ITGAE: variants seen among roughly 807,000 people sequenced by gnomAD.
ITGAE encodes the protein integrin subunit alpha E.
A neutral mutation model predicts 136.5 loss-of-function variants in ITGAE; 99 were observed. That is an observed-to-expected ratio of 0.73 (90% confidence interval 0.62 to 0.86). The LOEUF (loss-of-function observed/expected upper bound fraction) is 0.86, where lower values mean the gene tolerates loss of function less well. Ranked by LOEUF, ITGAE falls within the 40% of genes least tolerant of loss-of-function variation. ITGAE has a pLI of 0.00. For missense variants in ITGAE, 1,447 were observed against 1,515.3 expected (o/e 0.95, Z 0.75); for synonymous variants, 613 against 591.8 (o/e 1.04, Z -0.52).
intron 14 of ITGAE, 87 bp from the exon 15 acceptor site, chr17:3,751,961 G>T: frequency 8.5e-7 from 1 of 1,175,238 alleles, no homozygotes; most frequent in Non-Finnish European, 1.2e-6. Context: ...CACTGGGCCG[G>T]TGGGTGCCCA....
intron 20 of ITGAE, 78 bp from the exon 21 acceptor site, chr17:3,735,027 C>G: frequency 2.0e-6 from 3 of 1,529,036 alleles, no homozygotes; most frequent in Non-Finnish European, 2.7e-6. Context: ...GGACATTCAC[C>G]GAGGCTAGAG....
At chr17:3,771,571 A>G (rs2052424501) in intron 2 of ITGAE, among the ~76,000 whole-genome samples, 2 of 121,514 alleles carry the variant, frequency 1.6e-5, no homozygotes, top group South Asian at 2.5e-4. Context: ...ACAGAGTTTC[A>G]TTCTTGTTGC....
intron 1 of ITGAE, among the ~76,000 whole-genome samples, chr17:3,781,616 C>CA (rs1567554473): frequency 1.3e-5 from 2 of 152,340 alleles, no homozygotes; most frequent in African/African-American, 2.4e-5. Context: ...CTCAGCCTCC[C>CA]AAAGTGCTGG....
At chr17:3,781,367 T>C (rs77837175) in intron 1 of ITGAE, among the ~76,000 whole-genome samples, 1 of 152,018 alleles carries the variant, frequency 6.6e-6, no homozygotes, top group African/African-American at 2.4e-5. Context: ...CTTTTTTTTT[T>C]GAGATAAAGT....
At chr17:3,796,170 CGTGTGTGT>C (rs71381510) in intron 1 of ITGAE, among the ~76,000 whole-genome samples, 2 of 126,932 alleles carry the variant, frequency 1.6e-5, no homozygotes, top group African/African-American at 6.0e-5. Flanking sequence ...TGTGTGCATC[CGTGTGTGT>C]GTGTGTGTGT....
At chr17:3,783,739 T>C (rs1285509971) in intron 1 of ITGAE, among the ~76,000 whole-genome samples, 1 of 152,192 alleles carries the variant, frequency 6.6e-6, no homozygotes, top group Non-Finnish European at 1.5e-5. Context: ...GAAGGACAAG[T>C]GTATAAACGA....
Position 3,753,437 on chromosome 17 carries a change from C to G in ITGAE, c.1528-7G>C. On this transcript the variant is annotated splice_region_variant and splice_polypyrimidine_tract_variant and intron_variant, in intron 13 of 30. Coordinates refer to ENST00000263087, the MANE Select transcript of ITGAE (RefSeq NM_002208.5). ...AGCCAAAATAGGACCCCATCTACAG[C>G]CCGGGAGGAACTCAGCTCACCAGGA... The G allele has an allele frequency of 6.2e-7, 1 of 1,612,112 alleles. No individual in the cohort carries two copies.
chr17:3,752,546 A>C (rs1332084020), intron 14 of ITGAE, among the ~76,000 whole-genome samples: 1 of 151,784 alleles, frequency 6.6e-6, no homozygotes, highest in South Asian at 2.1e-4. Flanking sequence ...ACCTGAGGTC[A>C]GGAGTTCGAG....
rs1171504167 is a variant in ITGAE, at chr17:3,719,255, AAG to A, written c.3333+1050_3333+1051del. ...TTCCTCAAAAAAAAAAAAAAAAAAA[AAG>A]AAAAGAAAAGAAAAAGAAATACACT... On this transcript the variant is annotated intron_variant, in intron 29 of 30. Transcript: ENST00000263087. Among the ~76,000 whole-genome samples the A allele has an allele frequency of 4.3e-4, 60 of 141,032 alleles. 2 individuals are homozygous for A. Among genetic ancestry groups the A allele is most frequent in the African/African-American group, 1.7e-3 (56 of 32,724 alleles). The allele number at this position is 141,032 out of a possible 152,430, so 92.5% of individuals were successfully genotyped here.
rs758627824 is a variant in ITGAE, at chr17:3,714,964, TCCAGTTACAGG to T, written c.3445-33_3445-23del. 1.2e-4 allele frequency: 169 copies of T among 1,455,658 alleles called. No individual in the cohort carries two copies. In the South Asian group the frequency reaches 1.7e-3, roughly 15 times the overall value. The allele number at this position is 1,455,658 out of a possible 1,614,324, so 90.2% of individuals were successfully genotyped here. On this transcript the variant is annotated intron_variant, in intron 30 of 30. Coordinates refer to ENST00000263087, the MANE Select transcript of ITGAE (RefSeq NM_002208.5). ...CACACTGAAACAAAGGAAGGAAAAG[TCCAGTTACAGG>T]CCAAAGATAGCCATCTGTTTCAGAA...
chr17:3,786,758 C>G (rs370556276), intron 1 of ITGAE, among the ~76,000 whole-genome samples: 1 of 151,736 alleles, frequency 6.6e-6, no homozygotes, highest in South Asian at 2.1e-4. Flanking sequence ...GGCGTGGTGG[C>G]GCACACCTGT....
At chr17:3,794,181 G>A (rs2053007543) in intron 1 of ITGAE, among the ~76,000 whole-genome samples, 1 of 151,836 alleles carries the variant, frequency 6.6e-6, no homozygotes, top group East Asian at 1.9e-4. Context: ...GTTTTGCCAT[G>A]TTGGTCAGGC....
At chr17:3,774,850 C>G (rs1389715632) in intron 2 of ITGAE, among the ~76,000 whole-genome samples, 3 of 152,116 alleles carry the variant, frequency 2.0e-5, no homozygotes, top group East Asian at 3.9e-4. Context: ...ATCTCATGAC[C>G]CTTTCCACCA....
At chr17:3,797,227 G>T (rs372765188) in intron 1 of ITGAE, among the ~76,000 whole-genome samples, 2 of 140,714 alleles carry the variant, frequency 1.4e-5, no homozygotes, top group Non-Finnish European at 3.0e-5. Flanking sequence ...GTGCAGTGGC[G>T]CAATCTCGGC....
At chr17:3,722,655 T>C (rs2051080941) in intron 28 of ITGAE, among the ~76,000 whole-genome samples, 1 of 152,056 alleles carries the variant, frequency 6.6e-6, no homozygotes, top group Admixed American at 6.6e-5. Flanking sequence ...AACCCGATTA[T>C]AAAAGGGGCA....
In ITGAE at chr17:3,761,973, G is replaced by A; in HGVS notation, c.257C>T (p.Pro86Leu). ...TCCCCGGTGCCTCCCCTTGGGGATG[G>A]GGACATGCTCTGAAAAAGTTAAGCC... ...EILCHPVEHV[P>L]IPKGRHRGVT... Residue 86 changes from proline (P) to leucine (L), a missense_variant, in exon 4 of 31, where the codon CCC becomes CTC. Transcript: ENST00000263087. 6.2e-7 allele frequency: 1 copy of A among 1,613,764 alleles called. No homozygotes were observed. The highest frequency in any genetic ancestry group is 1.1e-5 in the South Asian group (1 of 91,052).
intron 24 of ITGAE, 77 bp from the exon 25 acceptor site, chr17:3,728,245 C>T: frequency 7.1e-6 from 8 of 1,127,188 alleles, no homozygotes; most frequent in Non-Finnish European, 9.5e-6. Context: ...ACTCTGTTGC[C>T]CAGGCTAGAG....
intron 1 of ITGAE, among the ~76,000 whole-genome samples, chr17:3,796,637 A>C (rs2053112260): frequency 6.6e-6 from 1 of 151,210 alleles, no homozygotes; most frequent in South Asian, 2.1e-4. Context: ...AGACATAGCT[A>C]CACCAGTGTC....
chr17:3,748,101 G>C, intron 16 of ITGAE, 49 bp from the exon 17 acceptor site: 1 of 1,581,482 alleles, frequency 6.3e-7, no homozygotes, highest in Non-Finnish European at 8.6e-7. Context: ...TCAGCCTCTG[G>C]GTCAGGGCCT....
Sources: allele counts gnomAD v4.1 joint callset (sites outside exome capture counted in the v4.1 genomes callset), GRCh38; gene constraint gnomAD v4.1.1; transcripts MANE v1.5; gene names NCBI Gene and HGNC (gene_info 2026-07-23, HGNC 2026-07-21).